TMCC1: variants seen among roughly 807,000 people sequenced by gnomAD.
TMCC1 encodes the protein transmembrane and coiled-coil domain family 1.
In TMCC1, 15 loss-of-function variants were observed where a neutral mutation model predicts 52.4. That is an observed-to-expected ratio of 0.29 (90% CI 0.19 to 0.44). TMCC1 has a LOEUF of 0.44. Among genes scored for constraint, TMCC1 ranks in the 20% least tolerant of loss-of-function variants. The probability of loss-of-function intolerance (pLI) is 1.00; values close to 1 mark genes in which losing one functional copy is unlikely to be tolerated. For missense variants in TMCC1, 503 were observed against 806.0 expected (o/e 0.62, Z 4.55); for synonymous variants, 279 against 301.9 (o/e 0.92, Z 0.79).
intron 4 of TMCC1, among the ~76,000 whole-genome samples, chr3:129,807,450 A>T (rs1238014195): frequency 6.6e-6 from 1 of 152,190 alleles, no homozygotes; most frequent in Non-Finnish European, 1.5e-5. Flanking sequence ...AGGACTCATA[A>T]ATTTTCCAGA....
intron 1 of TMCC1, among the ~76,000 whole-genome samples, chr3:129,886,314 T>C (rs921337791): frequency 1.6e-4 from 24 of 152,354 alleles, no homozygotes; most frequent in African/African-American, 5.5e-4. Context: ...CAGGAGAAAG[T>C]AGCATTCTTT....
intron 4 of TMCC1, among the ~76,000 whole-genome samples, chr3:129,721,779 G>C (rs2049619846): frequency 6.6e-6 from 1 of 151,928 alleles, no homozygotes; most frequent in Admixed American, 6.5e-5. Context: ...GTGAGGCTGA[G>C]GCAGGAGAAT....
chr3:129,891,189 C>T (rs1006821238), intron 1 of TMCC1, among the ~76,000 whole-genome samples: 11 of 152,168 alleles, frequency 7.2e-5, no homozygotes, highest in Admixed American at 5.2e-4. Flanking sequence ...AACCCTCCAC[C>T]CACCTTTCAG....
At chr3:129,812,594 C>T (rs554824489) in intron 4 of TMCC1, among the ~76,000 whole-genome samples, 2 of 151,916 alleles carry the variant, frequency 1.3e-5, no homozygotes, top group African/African-American at 2.4e-5. Flanking sequence ...AACAAATACC[C>T]GACCTCGCCC....
intron 4 of TMCC1, among the ~76,000 whole-genome samples, chr3:129,740,176 T>C (rs1421724530): frequency 6.6e-6 from 1 of 152,214 alleles, no homozygotes; most frequent in Middle Eastern, 3.2e-3. Context: ...GGGCCCAATA[T>C]ATACTAGTTA....
At chr3:129,765,439 A>G (rs556715836) in intron 4 of TMCC1, among the ~76,000 whole-genome samples, 200 of 152,280 alleles carry the variant, frequency 1.3e-3, no homozygotes, top group African/African-American at 3.9e-3. Context: ...AATAATAATC[A>G]GGGCCCTGAA....
chr3:129,810,560 C>CA (rs1026350112), intron 4 of TMCC1, among the ~76,000 whole-genome samples: 4 of 152,152 alleles, frequency 2.6e-5, no homozygotes, highest in African/African-American at 9.7e-5. Context: ...TAAGCAAGTT[C>CA]ACCCTATATC....
intron 2 of TMCC1, among the ~76,000 whole-genome samples, chr3:129,858,155 G>C (rs1267624383): frequency 1.3e-5 from 2 of 152,000 alleles, no homozygotes; most frequent in Non-Finnish European, 2.9e-5. Flanking sequence ...AGGTCACACA[G>C]CCAGCAGGCA....
At chr3:129,660,381 G>A (rs1161114108) in intron 5 of TMCC1, among the ~76,000 whole-genome samples, 1 of 152,116 alleles carries the variant, frequency 6.6e-6, no homozygotes, top group Non-Finnish European at 1.5e-5. Context: ...TTGAATTCCT[G>A]GATTGAAGTG....
chr3:129,798,277 G>A (rs1430177631), intron 4 of TMCC1, among the ~76,000 whole-genome samples: 1 of 152,008 alleles, frequency 6.6e-6, no homozygotes, highest in African/African-American at 2.4e-5. Context: ...TCACAGGCAT[G>A]AGCCACCATG....
intron 2 of TMCC1, among the ~76,000 whole-genome samples, chr3:129,879,830 T>G: frequency 6.6e-6 from 1 of 152,166 alleles, no homozygotes; most frequent in South Asian, 2.1e-4. Flanking sequence ...CTATGCAGAA[T>G]GAGAACAAAT....
chr3:129,744,498 C>G (rs1165996039), intron 4 of TMCC1, among the ~76,000 whole-genome samples: 1 of 152,008 alleles, frequency 6.6e-6, no homozygotes, highest in African/African-American at 2.4e-5. Flanking sequence ...GTTGCCCAGG[C>G]TGGTCTCAAA....
intron 4 of TMCC1, among the ~76,000 whole-genome samples, chr3:129,777,842 G>A (rs2055167394): frequency 6.6e-6 from 1 of 152,160 alleles, no homozygotes; most frequent in Admixed American, 6.5e-5. Flanking sequence ...AAAAATGCCA[G>A]AATATTTCTC....
In TMCC1 at chr3:129,690,870, G is replaced by T. The variant is rs571232964; in HGVS notation, c.577-19606C>A. ...ACCTTTTCACATTTTTAGAGGTTCC[G>T]CCAAGATGGCAATGAATTTATCTGA... On this transcript the variant is annotated intron_variant, in intron 4 of 6. Coordinates refer to ENST00000393238, the MANE Select transcript of TMCC1 (RefSeq NM_001017395.5). Among the ~76,000 whole-genome samples, 3 of 152,050 alleles carry T rather than the reference G, an allele frequency of 2.0e-5. No individual in the cohort carries two copies. In the South Asian group the frequency reaches 6.2e-4, roughly 32 times the overall value.
chr3:129,685,990 CATA>C (rs1288087910), intron 4 of TMCC1, among the ~76,000 whole-genome samples: 1 of 152,202 alleles, frequency 6.6e-6, no homozygotes, highest in African/African-American at 2.4e-5. Context: ...AAATTTCCAT[CATA>C]ATACACAACA....
intron 1 of TMCC1, among the ~76,000 whole-genome samples, chr3:129,887,347 C>T (rs1326390865): frequency 6.6e-6 from 1 of 151,774 alleles, no homozygotes; most frequent in Non-Finnish European, 1.5e-5. Context: ...ATCGAGACCA[C>T]CCTGGCCAAC....
chr3:129,847,521 T>G (rs1159022190), intron 2 of TMCC1: 1 of 152,244 alleles, frequency 6.6e-6, no homozygotes, highest in Non-Finnish European at 1.5e-5. Flanking sequence ...TTCTTTTTAT[T>G]GCCGAGTAGT....
chr3:129,835,006 T>C (rs1177436883), intron 2 of TMCC1, among the ~76,000 whole-genome samples: 1 of 152,224 alleles, frequency 6.6e-6, no homozygotes, highest in African/African-American at 2.4e-5. Flanking sequence ...CCAGCCTTGG[T>C]AAGATGTCTC....
chr3:129,790,376 T>C (rs1210075334), intron 4 of TMCC1, among the ~76,000 whole-genome samples: 1 of 152,094 alleles, frequency 6.6e-6, no homozygotes, highest in African/African-American at 2.4e-5. Flanking sequence ...GTGGGATAAA[T>C]AAGAAACTGG....
Sources: allele counts gnomAD v4.1 joint callset (sites outside exome capture counted in the v4.1 genomes callset), GRCh38; gene constraint gnomAD v4.1.1; transcripts MANE v1.5; gene names NCBI Gene and HGNC (gene_info 2026-07-23, HGNC 2026-07-21).